The following CDK5RAP2 variants were observed in gnomAD, a reference collection of about 807,000 sequenced individuals.
CDK5RAP2 encodes CDK5 regulatory subunit-associated protein 2.
CDK5RAP2 carries 147 observed loss-of-function variants against 232.9 expected under a neutral mutation model. The ratio of observed to expected loss-of-function variants is 0.63; its 90% confidence interval spans 0.55 to 0.72. The LOEUF is 0.72. Ranked by LOEUF, CDK5RAP2 falls within the 30% of genes least tolerant of loss-of-function variation. CDK5RAP2 has a pLI of 0.00. For missense variants in CDK5RAP2, 2,195 were observed against 2,231.5 expected (o/e 0.98, Z 0.33); for synonymous variants, 833 against 833.7 (o/e 1.00, Z 0.01).
intron 12 of CDK5RAP2, among the ~76,000 whole-genome samples, chr9:120,500,000 T>G (rs1415690328): frequency 6.6e-6 from 1 of 152,114 alleles, no homozygotes; most frequent in African/African-American, 2.4e-5. Context: ...GAGAATAAAG[T>G]CAAGAAAAGT....
intron 20 of CDK5RAP2, among the ~76,000 whole-genome samples, chr9:120,455,566 C>A (rs1273750428): frequency 1.3e-5 from 2 of 151,754 alleles, no homozygotes; most frequent in African/African-American, 2.4e-5. Context: ...CATGGTGAAA[C>A]CCTATCTCTA....
intron 10 of CDK5RAP2, among the ~76,000 whole-genome samples, chr9:120,526,850 C>T (rs985438643): frequency 2.6e-5 from 4 of 152,190 alleles, no homozygotes; most frequent in African/African-American, 9.7e-5. Flanking sequence ...TAACTAAACA[C>T]CTTGACCAAT....
chr9:120,482,718 T>C lies in CDK5RAP2; in HGVS notation c.1626+4576A>G, dbSNP rs1299220219. Among the ~76,000 whole-genome samples, 5 of 152,240 alleles carry C rather than the reference T, an allele frequency of 3.3e-5. No individual in the cohort carries two copies. In the South Asian group the frequency reaches 6.2e-4, roughly 19 times the overall value. Reference sequence around the variant, plus strand: ...GGCACAAATCAAACGCTGCCACAAATACTTGCTAAACTGATGATTAAGTAG... The same window carrying C: ...GGCACAAATCAAACGCTGCCACAAACACTTGCTAAACTGATGATTAAGTAG... On this transcript the variant is annotated intron_variant, in intron 14 of 37. Coordinates refer to ENST00000349780, the MANE Select transcript of CDK5RAP2 (RefSeq NM_018249.6).
chr9:120,579,969 A>C lies in CDK5RAP2; in HGVS notation c.10T>G (p.Leu4Val), dbSNP rs765434861. ...ACGGTGACGTCCTCTTCCAACACCA[A>C]GTCCATCATGGCTACAGAGGTGGCG... is the stretch of plus-strand genomic sequence containing the variant. The part of the protein sequence containing the change: MMD[L>V]VLEEDVTVPG... The change falls in exon 1 of 38, where the codon TTG becomes GTG. Residue 4 changes from leucine (L) to valine (V), a missense_variant. Coordinates refer to ENST00000349780, the MANE Select transcript of CDK5RAP2 (RefSeq NM_018249.6). The C allele has an allele frequency of 7.4e-6, 12 of 1,611,126 alleles. No individual in the cohort carries two copies. Among genetic ancestry groups the C allele is most frequent in the Non-Finnish European group, 9.3e-6 (11 of 1,177,328 alleles).
rs1334023228 is a variant in CDK5RAP2, at chr9:120,403,392, C to T, written c.5042-321G>A. On this transcript the variant is annotated intron_variant, in intron 33 of 37. Transcript: ENST00000349780. This position sits in a 1 kb window ranked among gnomAD's most constrained non-coding sequence, Gnocchi z 4.2. The stretch of plus-strand genomic sequence containing the variant: ...CCAGTAGCCCACAGTCTGATCAGAA[C>T]ACAGACACTGCAGAAGGTGCAACAG... The T allele has an allele frequency of 5.1e-6, 2 of 394,540 alleles. No homozygotes were observed. Among genetic ancestry groups the T allele is most frequent in the Non-Finnish European group, 9.5e-6 (2 of 211,628 alleles). 24.4% of individuals were successfully genotyped at this position (394,540 alleles called of 1,614,324 possible).
intron 16 of CDK5RAP2, 56 bp downstream of exon 16, chr9:120,471,692 G>A: frequency 6.2e-7 from 1 of 1,612,802 alleles, no homozygotes; most frequent in South Asian, 1.1e-5. Context: ...CTGAAGTTCA[G>A]TCCATGCCCT....
chr9:120,529,865 C>T lies in CDK5RAP2; in HGVS notation c.825+113G>A, dbSNP rs761507762. 6.7e-4 allele frequency: 681 copies of T among 1,015,344 alleles called. 7 individuals carry two copies. Among genetic ancestry groups the T allele is most frequent in the Non-Finnish European group, 7.6e-5 (49 of 646,254 alleles). The allele number at this position is 1,015,344 out of a possible 1,614,324, so 62.9% of individuals were successfully genotyped here. A position where few individuals can be genotyped will look rare whatever the true frequency, so the allele number is the denominator to read the frequency against. On this transcript the variant is annotated intron_variant, in intron 8 of 37. Coordinates refer to ENST00000349780, the MANE Select transcript of CDK5RAP2 (RefSeq NM_018249.6). ...CTCACTCCTCAGCTGACAGGGGACT[C>T]ATATTTAGAAGCAGGCTGTGTGTGA...
In CDK5RAP2 at chr9:120,491,319, G is replaced by A. The variant is rs375317489; in HGVS notation, c.1470C>T (p.Asp490=). The A allele has an allele frequency of 6.8e-5, 110 of 1,612,650 alleles. 1 individual carries two copies. Among genetic ancestry groups the A allele is most frequent in the Admixed American group, 1.7e-4 (10 of 59,990 alleles). The change falls in exon 13 of 38, where the codon GAC becomes GAT. Residue 490 remains aspartate, a synonymous_variant. Transcript: ENST00000349780. ...KHLTESTNQK[D]VLLQKFNEKD... ...AAAGTTACAGTACCTGAAGCAACAC[G>A]TCCTTCTGATTGGTACTTTCTGTTA...
intron 18 of CDK5RAP2, among the ~76,000 whole-genome samples, chr9:120,463,310 G>A (rs764968295): frequency 5.9e-5 from 9 of 152,188 alleles, no homozygotes; most frequent in Non-Finnish European, 1.3e-4. Flanking sequence ...GGCGGAGCTT[G>A]CAGTGAGCTG....
Position 120,522,825 on chromosome 9 carries a change from G to A in CDK5RAP2, c.1092+2161C>T, listed in dbSNP as rs180960706. 5.5e-3 allele frequency among the ~76,000 whole-genome samples: 833 copies of A among 152,292 alleles called. 4 individuals carry two copies. Among genetic ancestry groups the A allele is most frequent in the Non-Finnish European group, 8.4e-3 (571 of 68,022 alleles). ...TGTGAACACTGGCTATTTAACTCAT[G>A]CTGCAATTGGCAAAAAGACCCCAAT... On this transcript the variant is annotated intron_variant, in intron 11 of 37. Transcript: ENST00000349780.
At chr9:120,535,251 T>C (rs1427782119) in intron 7 of CDK5RAP2, among the ~76,000 whole-genome samples, 1 of 152,206 alleles carries the variant, frequency 6.6e-6, no homozygotes, top group Non-Finnish European at 1.5e-5. Context: ...AGGCATGGGC[T>C]CTCCCTCTGG....
intron 25 of CDK5RAP2, among the ~76,000 whole-genome samples, chr9:120,426,702 T>C: frequency 6.6e-6 from 1 of 152,206 alleles, no homozygotes; most frequent in East Asian, 1.9e-4. Flanking sequence ...AGAATGTAAG[T>C]GTTCCCTACA....
At chr9:120,564,136 A>C (rs1240461226) in intron 3 of CDK5RAP2, among the ~76,000 whole-genome samples, 1 of 152,176 alleles carries the variant, frequency 6.6e-6, no homozygotes, top group Non-Finnish European at 1.5e-5. Context: ...TATCTCCGAC[A>C]TCCAGAAATC....
intron 6 of CDK5RAP2, among the ~76,000 whole-genome samples, chr9:120,538,187 AC>A (rs1454952260): frequency 6.6e-6 from 1 of 152,158 alleles, no homozygotes; most frequent in East Asian, 1.9e-4. Context: ...TAACCCCAAG[AC>A]GACAATTTAA....
chr9:120,572,606 A>C (rs2042893743), intron 1 of CDK5RAP2, among the ~76,000 whole-genome samples: 3 of 152,194 alleles, frequency 2.0e-5, no homozygotes, highest in Admixed American at 6.5e-5. Context: ...TACATAAATA[A>C]ATTCAGTGAG....
intron 13 of CDK5RAP2, among the ~76,000 whole-genome samples, chr9:120,488,778 G>A (rs1372572034): frequency 2.6e-5 from 4 of 152,172 alleles, no homozygotes; most frequent in Admixed American, 1.3e-4. Context: ...ATGGTGTTCC[G>A]TGATCACACA....
chr9:120,571,441 G>C (rs1330424274), intron 2 of CDK5RAP2, among the ~76,000 whole-genome samples: 2 of 152,148 alleles, frequency 1.3e-5, no homozygotes, highest in Non-Finnish European at 2.9e-5. Flanking sequence ...TGCTTAGCTA[G>C]ACCCAAACTG....
rs146271936 is a variant in CDK5RAP2 at position 120,550,076 on chromosome 9, C to A, written c.306+716G>T. Among the ~76,000 whole-genome samples the A allele has an allele frequency of 7.2e-4, 110 of 152,334 alleles. 2 individuals are homozygous for A. Among genetic ancestry groups the A allele is most frequent in the Admixed American group, 5.6e-3 (85 of 15,304 alleles). The stretch of plus-strand genomic sequence containing the variant: ...TAATCTACTAGAAAAAGCCAAGAAA[C>A]AGGCACTGAAATATTGTTTGTACTC... On this transcript the variant is annotated intron_variant, in intron 4 of 37. Coordinates refer to ENST00000349780, the MANE Select transcript of CDK5RAP2 (RefSeq NM_018249.6).
intron 15 of CDK5RAP2, among the ~76,000 whole-genome samples, chr9:120,473,279 C>T (rs1241501480): frequency 6.6e-6 from 1 of 152,234 alleles, no homozygotes; most frequent in Admixed American, 6.5e-5. Context: ...ATCTATCATT[C>T]TCCATCTAGC....
Sources: allele counts gnomAD v4.1 joint callset (sites outside exome capture counted in the v4.1 genomes callset), GRCh38; gene constraint gnomAD v4.1.1; non-coding constraint Gnocchi (gnomAD v3.1); transcripts MANE v1.5; gene names NCBI Gene and HGNC (gene_info 2026-07-23, HGNC 2026-07-21).